The following MKLN1 variants were observed in gnomAD, a reference collection of about 807,000 sequenced individuals.
MKLN1 encodes the protein muskelin 1.
Under a neutral mutation model 99.0 loss-of-function variants are expected in MKLN1, and 18 were observed. That is an observed-to-expected ratio of 0.18 (90% confidence interval 0.13 to 0.27). The LOEUF (loss-of-function observed/expected upper bound fraction) is 0.27, where lower values mean the gene tolerates loss of function less well. Among genes scored for constraint, MKLN1 ranks in the 10% least tolerant of loss-of-function variants. The pLI is 1.00. For missense variants in MKLN1, 621 were observed against 875.9 expected (o/e 0.71, Z 3.67); for synonymous variants, 288 against 293.2 (o/e 0.98, Z 0.18).
intron 1 of MKLN1, among the ~76,000 whole-genome samples, chr7:131,122,610 CAT>C (rs1795389431): frequency 1.3e-5 from 2 of 152,190 alleles, no homozygotes; most frequent in Admixed American, 1.3e-4. Context: ...TGTAATCACT[CAT>C]AACGCTGCCC....
intron 3 of MKLN1, among the ~76,000 whole-genome samples, chr7:131,280,052 GGA>G (rs1023200829): frequency 2.4e-4 from 37 of 152,148 alleles, no homozygotes; most frequent in African/African-American, 7.9e-4. Context: ...TGGTATAAAT[GGA>G]TTCATACAAT....
intron 9 of MKLN1, among the ~76,000 whole-genome samples, chr7:131,430,225 G>T (rs915580010): frequency 6.6e-6 from 1 of 152,024 alleles, no homozygotes; most frequent in Admixed American, 6.5e-5. Context: ...AAGATCTAGT[G>T]CTGTGTCGTT....
chr7:131,305,031 A>T (rs1236249029), intron 3 of MKLN1, among the ~76,000 whole-genome samples: 1 of 152,164 alleles, frequency 6.6e-6, no homozygotes, highest in Non-Finnish European at 1.5e-5. Context: ...TGGAGGATGC[A>T]GCAACAAGGC....
intron 3 of MKLN1, among the ~76,000 whole-genome samples, chr7:131,312,012 TTTTGTTTG>T (rs201282707): frequency 7.2e-5 from 11 of 151,828 alleles, no homozygotes; most frequent in Non-Finnish European, 1.0e-4. Context: ...TTTTTTTGTT[TTTTGTTTG>T]TTTGTTTGTT....
intron 3 of MKLN1, among the ~76,000 whole-genome samples, chr7:131,299,934 T>C (rs2116617022): frequency 6.6e-6 from 1 of 152,294 alleles, no homozygotes; most frequent in South Asian, 2.1e-4. Flanking sequence ...TAGAGCGATG[T>C]GAAAATAATA....
At chr7:131,273,576 CAAAGCTTTGTCTGTCT>C (rs1422807750) in intron 3 of MKLN1, among the ~76,000 whole-genome samples, 1 of 151,582 alleles carries the variant, frequency 6.6e-6, no homozygotes, top group African/African-American at 2.4e-5. Context: ...GGGGTCAGAG[CAAAGCTTTGTCTGTCT>C]AAAGGATCAG....
chr7:131,177,811 C>T (rs1186780947), intron 2 of MKLN1, among the ~76,000 whole-genome samples: 2 of 152,208 alleles, frequency 1.3e-5, no homozygotes, highest in African/African-American at 4.8e-5. Flanking sequence ...TGCATAAATG[C>T]ACACATCATA....
rs61100568 is a variant in MKLN1, at chr7:131,204,933, CA to C, written c.-179+1974del. The stretch of plus-strand genomic sequence containing the variant: ...TAGGCGACAGAGCAAGACTCCGTAT[CA>C]AAAAAAAAAAAAAATTAGCTGGGTG... On this transcript the variant is annotated intron_variant, in intron 3 of 7. Coordinates refer to the MKLN1 transcript ENST00000416992. Among the ~76,000 whole-genome samples, 213 of 130,126 alleles carry C rather than the reference CA, an allele frequency of 1.6e-3. 1 individual carries two copies. The highest frequency in any genetic ancestry group is 1.4e-3 in the Admixed American group (17 of 12,362). The allele number at this position is 130,126 out of a possible 152,430, so 85.4% of individuals were successfully genotyped here.
intron 8 of MKLN1, among the ~76,000 whole-genome samples, chr7:131,425,573 C>T (rs1181103620): frequency 6.6e-6 from 1 of 152,128 alleles, no homozygotes; most frequent in Non-Finnish European, 1.5e-5. Flanking sequence ...AAGTGCTTTG[C>T]GAATTCTCAG....
intron 3 of MKLN1, among the ~76,000 whole-genome samples, chr7:131,271,604 G>A (rs1344291048): frequency 8.7e-5 from 12 of 138,334 alleles, no homozygotes; most frequent in Non-Finnish European, 1.5e-5. Context: ...GCGACAGAGT[G>A]AGACTCCGTC....
intron 1 of MKLN1, among the ~76,000 whole-genome samples, chr7:131,331,694 G>T (rs549364099): frequency 1.3e-5 from 2 of 152,226 alleles, no homozygotes; most frequent in Admixed American, 6.5e-5. Context: ...CTTCTGTTAC[G>T]AAAGCTGTTC....
chr7:131,418,495 G>T (rs1262369333), intron 8 of MKLN1, among the ~76,000 whole-genome samples: 1 of 151,766 alleles, frequency 6.6e-6, no homozygotes, highest in Non-Finnish European at 1.5e-5. Flanking sequence ...TAGCTTATGA[G>T]CTTACAAAAA....
chr7:131,305,188 A>G (rs922017761), intron 3 of MKLN1, among the ~76,000 whole-genome samples: 5 of 152,314 alleles, frequency 3.3e-5, no homozygotes, highest in African/African-American at 1.2e-4. Context: ...TTATAGAAGC[A>G]TGAACAGACT....
At chr7:131,241,589 T>C (rs1453525621) in intron 3 of MKLN1, among the ~76,000 whole-genome samples, 1 of 152,128 alleles carries the variant, frequency 6.6e-6, no homozygotes, top group African/African-American at 2.4e-5. Context: ...GCACATGTGG[T>C]CCCAGTTGCT....
chr7:131,327,796 G>T, upstream of MKLN1: 1 of 1,456,022 alleles, frequency 6.9e-7, no homozygotes, highest in South Asian at 1.4e-5. Context: ...CGGGGAGCGC[G>T]GGCGGCCGGG....
chr7:131,151,742 A>C (rs554384829), intron 2 of MKLN1, among the ~76,000 whole-genome samples: 1 of 152,312 alleles, frequency 6.6e-6, no homozygotes, highest in African/African-American at 2.4e-5. Flanking sequence ...TCACCAAGTC[A>C]CCCATAATTC....
intron 1 of MKLN1, among the ~76,000 whole-genome samples, chr7:131,117,511 TA>T (rs1325848589): frequency 6.6e-6 from 1 of 152,166 alleles, no homozygotes; most frequent in Non-Finnish European, 1.5e-5. Flanking sequence ...AGGCAGCTGT[TA>T]AAAGTTTGAG....
intron 2 of MKLN1, among the ~76,000 whole-genome samples, chr7:131,192,539 T>C (rs1796583200): frequency 1.4e-5 from 2 of 140,820 alleles, no homozygotes; most frequent in Non-Finnish European, 1.5e-5. Flanking sequence ...TATATAAATA[T>C]ATATATTATA....
chr7:131,123,022 C>CAAAAAAAAAAAAA (rs59581806), intron 1 of MKLN1, among the ~76,000 whole-genome samples: 1 of 60,396 alleles, frequency 1.7e-5, no homozygotes, highest in East Asian at 6.5e-4. Flanking sequence ...GACTCCGTCT[C>CAAAAAAAAAAAAA]AAAAAAAAAA....
Sources: allele counts gnomAD v4.1 joint callset (sites outside exome capture counted in the v4.1 genomes callset), GRCh38; gene constraint gnomAD v4.1.1; transcripts MANE v1.5; gene names NCBI Gene and HGNC (gene_info 2026-07-23, HGNC 2026-07-21).